KLHL20: variants seen among roughly 807,000 people sequenced by gnomAD.
KLHL20 encodes kelch-like protein 20.
In KLHL20, 29 loss-of-function variants were observed where a neutral mutation model predicts 69.5. The observed-to-expected ratio is 0.42, with a 90% CI of 0.31 to 0.57. KLHL20 has a LOEUF of 0.57. KLHL20 is among the 20% of genes least tolerant of loss of function. The pLI is 0.18. For missense variants in KLHL20, 419 were observed against 776.0 expected, an observed-to-expected ratio of 0.54 and a Z score of 5.47; for synonymous variants, 253 against 265.2, an observed-to-expected ratio of 0.95 and a Z score of 0.45.
rs1450940265 is a variant in KLHL20, at chr1:173,715,667, G to C, written c.-41-336G>C. The stretch of plus-strand genomic sequence containing the variant: ...TGTGATCTATCAGGTTAGTACTGCT[G>C]TGGGTATCTGGTGCTTGTTCTGTAA... On this transcript the variant is annotated intron_variant, in intron 1 of 11. Transcript: ENST00000209884. The C allele has an allele frequency of 1.4e-5, 3 of 207,510 alleles. No homozygotes were observed. In the Admixed American group the frequency reaches 1.6e-4, roughly 11 times the overall value. 12.9% of individuals were successfully genotyped at this position (207,510 alleles called of 1,614,324 possible).
intron 7 of KLHL20, among the ~76,000 whole-genome samples, chr1:173,757,479 C>T (rs1222414998): frequency 6.6e-6 from 1 of 151,650 alleles, no homozygotes; most frequent in Admixed American, 6.6e-5. Flanking sequence ...TCTTTTTTCC[C>T]TGGGATACTT....
At chr1:173,737,566 T>G (rs1672595006) in intron 3 of KLHL20, among the ~76,000 whole-genome samples, 1 of 152,236 alleles carries the variant, frequency 6.6e-6, no homozygotes, top group Non-Finnish European at 1.5e-5. Context: ...TCTCTATTCT[T>G]TCCATTGGTC....
intron 2 of KLHL20, among the ~76,000 whole-genome samples, chr1:173,728,656 G>A (rs1323660326): frequency 2.0e-5 from 3 of 152,232 alleles, no homozygotes; most frequent in Admixed American, 6.5e-5. Context: ...TGAGCATAAC[G>A]AAATGTAGGC....
At chr1:173,722,881 A>G (rs1671779394) in intron 2 of KLHL20, among the ~76,000 whole-genome samples, 1 of 151,916 alleles carries the variant, frequency 6.6e-6, no homozygotes, top group African/African-American at 2.4e-5. Flanking sequence ...GTAGAGATGG[A>G]GCCTCACCAT....
At chr1:173,782,066 A>G (rs988578708) in intron 10 of KLHL20, 58 bp from the exon 11 acceptor site, 14 of 1,196,172 alleles carry the variant, frequency 1.2e-5, no homozygotes, top group Admixed American at 8.7e-5. Flanking sequence ...AAACCAGTCT[A>G]TAATTTCCTT....
Position 173,753,215 on chromosome 1 carries a change from G to T in KLHL20, c.759G>T (p.Val253=). ...TAATGGTGTTTATTTTCTCATAGGT[G>T]CTGCAGCATGTTCGTTTGCCTTTGC... ...IQERRPQLPQ[V]LQHVRLPLLS... is the part of the protein sequence containing the mutation. The change falls in exon 5 of 12, where the codon GTG becomes GTT. Residue 253 remains valine (V), a splice_region_variant and synonymous_variant. Coordinates refer to ENST00000209884, the MANE Select transcript of KLHL20 (RefSeq NM_014458.4). The T allele has an allele frequency of 1.9e-6, 3 of 1,612,484 alleles. No individual in the cohort carries two copies. The highest frequency in any genetic ancestry group is 3.3e-4 in the Middle Eastern group (2 of 6,056).
Position 173,743,900 on chromosome 1 carries a change from A to G in KLHL20, c.598-7864A>G, listed in dbSNP as rs562114914. Among the ~76,000 whole-genome samples the G allele has an allele frequency of 5.3e-5, 8 of 152,130 alleles. No homozygotes were observed. The East Asian group carries it at 9.6e-4, about 18-fold the overall frequency. The stretch of plus-strand genomic sequence containing the variant: ...GTGTGGATGTACCACTGTTGGTTCA[A>G]TCAGTCTCCAATGTTTGAGCATTTA... On this transcript the variant is annotated intron_variant, in intron 3 of 11. Transcript: ENST00000209884.
In KLHL20 at chr1:173,733,794, A is replaced by G. The variant is rs767727283; in HGVS notation, c.105A>G (p.Glu35=). Residue 35 remains glutamate, a synonymous_variant, in exon 3 of 12, where the codon GAA becomes GAG. Coordinates refer to ENST00000209884, the MANE Select transcript of KLHL20 (RefSeq NM_014458.4). The part of the protein sequence containing the change: ...CTLGDPNKLP[E]GVPQPARMPY... ...TTGGAGACCCCAACAAACTGCCAGA[A>G]GGGGTTCCCCAACCTGCCCGCATGC... is the stretch of plus-strand genomic sequence containing the variant. The G allele has an allele frequency of 8.5e-5, 138 of 1,614,052 alleles. No homozygotes were observed. Among genetic ancestry groups the G allele is most frequent in the Non-Finnish European group, 1.1e-4 (133 of 1,180,028 alleles).
At chr1:173,724,591 CT>C (rs1203876863) in intron 2 of KLHL20, among the ~76,000 whole-genome samples, 1 of 152,102 alleles carries the variant, frequency 6.6e-6, no homozygotes, top group Non-Finnish European at 1.5e-5. Context: ...TAATTTGTGA[CT>C]TTTACCTAGT....
chr1:173,743,271 A>C (rs988682300), intron 3 of KLHL20, among the ~76,000 whole-genome samples: 1 of 152,022 alleles, frequency 6.6e-6, no homozygotes, highest in African/African-American at 2.4e-5. Context: ...AAAAATATTC[A>C]AATTTATAGG....
rs1648318535 is a variant in KLHL20, at chr1:173,774,455, G to A, written c.1429+17G>A. The A allele has an allele frequency of 6.2e-7, 1 of 1,613,518 alleles. No homozygotes were observed. Among genetic ancestry groups the A allele is most frequent in the African/African-American group, 1.3e-5 (1 of 74,894 alleles). The stretch of plus-strand genomic sequence containing the variant: ...TCAACACAGGTTAGTCCCTCCCAAA[G>A]GCAATCAGGTTCCCCAAAAGCAGAA... On this transcript the variant is annotated intron_variant, in intron 9 of 11. Transcript: ENST00000209884.
intron 2 of KLHL20, among the ~76,000 whole-genome samples, chr1:173,717,822 T>TA (rs1222821233): frequency 6.6e-6 from 1 of 152,200 alleles, no homozygotes; most frequent in Non-Finnish European, 1.5e-5. Flanking sequence ...AAATTATTGT[T>TA]AAAGGTATTC....
intron 7 of KLHL20, among the ~76,000 whole-genome samples, chr1:173,765,458 G>A (rs1010932874): frequency 1.3e-5 from 2 of 151,720 alleles, no homozygotes; most frequent in East Asian, 1.9e-4. Context: ...AGCCAAGATC[G>A]TGCCACTGTA....
intron 11 of KLHL20, among the ~76,000 whole-genome samples, chr1:173,784,722 G>GAGT (rs1366855344): frequency 2.0e-5 from 3 of 152,166 alleles, no homozygotes; most frequent in Non-Finnish European, 4.4e-5. Flanking sequence ...GAGGCTTACA[G>GAGT]AGTACATATA....
chr1:173,728,640 G>T (rs764391686), intron 2 of KLHL20, among the ~76,000 whole-genome samples: 1 of 152,206 alleles, frequency 6.6e-6, no homozygotes, highest in Non-Finnish European at 1.5e-5. Flanking sequence ...GCTCCTGAAT[G>T]ACTACTGAGC....
chr1:173,719,688 G>A (rs1366696394), intron 2 of KLHL20, among the ~76,000 whole-genome samples: 1 of 151,378 alleles, frequency 6.6e-6, no homozygotes, highest in Non-Finnish European at 1.5e-5. Context: ...TAATTTTGGT[G>A]GACATTGACA....
chr1:173,745,330 T>G (rs1673007729), intron 3 of KLHL20, among the ~76,000 whole-genome samples: 1 of 151,544 alleles, frequency 6.6e-6, no homozygotes, highest in Non-Finnish European at 1.5e-5. Context: ...GCCTGGCTAA[T>G]TTTTGTATTT....
At chr1:173,758,166 G>A (rs1673637594) in intron 7 of KLHL20, among the ~76,000 whole-genome samples, 1 of 152,024 alleles carries the variant, frequency 6.6e-6, no homozygotes, top group Non-Finnish European at 1.5e-5. Context: ...AGCTACTCAG[G>A]AGACTGAGGC....
intron 5 of KLHL20, among the ~76,000 whole-genome samples, chr1:173,755,552 C>A (rs779512932): frequency 6.6e-6 from 1 of 152,124 alleles, no homozygotes; most frequent in Non-Finnish European, 1.5e-5. Flanking sequence ...ATTGCCCTGG[C>A]TGATGTGCTA....
Sources: gnomAD v4.1 joint callset for allele counts (sites outside exome capture counted in the v4.1 genomes callset) on GRCh38, gnomAD v4.1.1 for gene constraint, MANE v1.5 for transcripts, NCBI Gene and HGNC (gene_info 2026-07-23, HGNC 2026-07-21) for gene names.